SLIT1: variants seen among roughly 807,000 people sequenced by gnomAD.
The protein encoded by SLIT1 is slit guidance ligand 1.
SLIT1 carries 66 observed loss-of-function variants against 186.1 expected under a neutral mutation model. The observed-to-expected ratio is 0.35, with a 90% CI of 0.29 to 0.44. The LOEUF (loss-of-function observed/expected upper bound fraction) is 0.44, where lower values mean the gene tolerates loss of function less well. Ranked by LOEUF, SLIT1 falls within the 20% of genes least tolerant of loss-of-function variation. The pLI, the probability that SLIT1 is intolerant of heterozygous loss-of-function variation, is 1.00. For missense variants in SLIT1, 1,638 were observed against 2,037.4 expected (o/e 0.80, Z 3.77); for synonymous variants, 761 against 833.8 (o/e 0.91, Z 1.50).
chr10:97,054,295 C>T (rs992868166), intron 13 of SLIT1, among the ~76,000 whole-genome samples: 13 of 151,822 alleles, frequency 8.6e-5, no homozygotes, highest in Middle Eastern at 3.4e-3. Context: ...TGTCACGTGA[C>T]GTGCCTACCC....
chr10:97,068,956 T>C lies in SLIT1; in HGVS notation c.414-2870A>G, dbSNP rs1848977729. 6.6e-6 allele frequency among the ~76,000 whole-genome samples: 1 copy of C among 152,238 alleles called. No individual in the cohort carries two copies. The highest frequency in any genetic ancestry group is 1.5e-5 in the Non-Finnish European group (1 of 68,038). ...CCTAATCCTTGTTATCATCTCTTCC[T>C]TGCCTAGAGAGTTCCTTGGCTGCCA... On this transcript the variant is annotated intron_variant, in intron 4 of 36. Transcript: ENST00000266058. The surrounding 1 kb of genome is among the most constrained non-coding windows in gnomAD (Gnocchi z 4.2).
Position 97,163,400 on chromosome 10 carries a change from G to C in SLIT1, c.321C>G (p.Asp107Glu), listed in dbSNP as rs746196846. ...IGAVERGAFD[D>E]MKELERLRLN... Reference sequence around the variant, plus strand: ...CTCACAGCCGCTCCAGCTCCTTCATGTCATCAAAAGCACCACGTTCCACTG... The same window carrying C: ...CTCACAGCCGCTCCAGCTCCTTCATCTCATCAAAAGCACCACGTTCCACTG... Residue 107 changes from aspartate (D) to glutamate (E), a missense_variant, in exon 3 of 37, where the codon GAC (aspartate) becomes GAG (glutamate). Transcript: ENST00000266058. 4.3e-6 allele frequency: 7 copies of C among 1,614,162 alleles called. No homozygotes were observed. Among genetic ancestry groups the C allele is most frequent in the Non-Finnish European group, 5.9e-6 (7 of 1,180,008 alleles).
chr10:97,001,595 AG>A (rs11465175), intron 36 of SLIT1, among the ~76,000 whole-genome samples: 42 of 152,030 alleles, frequency 2.8e-4, no homozygotes, highest in East Asian at 5.8e-4. Flanking sequence ...TGCTGGAGGG[AG>A]GGGGGGTCCC....
chr10:97,001,009 T>C lies in SLIT1; in HGVS notation c.*103A>G, dbSNP rs1305057941. The C allele has an allele frequency of 1.1e-6, 1 of 919,694 alleles. No individual in the cohort carries two copies. The highest frequency in any genetic ancestry group is 1.6e-5 in the African/African-American group (1 of 60,982). 57.0% of individuals were successfully genotyped at this position (919,694 alleles called of 1,614,324 possible). ...GGAGGGCCCAGCTGCCCAGGAGCCG[T>C]CCTGTGATGACCTGCACCCCAGCCC... On this transcript the variant is annotated 3_prime_UTR_variant, in exon 37 of 37. Coordinates refer to ENST00000266058, the MANE Select transcript of SLIT1 (RefSeq NM_003061.3).
intron 4 of SLIT1, among the ~76,000 whole-genome samples, chr10:97,118,436 C>A (rs570184717): frequency 6.6e-6 from 1 of 152,298 alleles, no homozygotes; most frequent in Non-Finnish European, 1.5e-5. Context: ...TAAGGGCTTT[C>A]TGCAGGCTTC....
At chr10:97,005,438 C>T (rs988441442) in intron 32 of SLIT1, among the ~76,000 whole-genome samples, 3 of 152,208 alleles carry the variant, frequency 2.0e-5, no homozygotes, top group African/African-American at 4.8e-5. Flanking sequence ...GACCCTGAGC[C>T]CCCTGGTCTG....
At position 97,106,649 on chromosome 10, in the gene SLIT1, T is replaced by TTG. The variant is rs200677980; in HGVS notation, c.414-40564_414-40563insCA. Among the ~76,000 whole-genome samples, 48 of 152,140 alleles carry TTG rather than the reference T, an allele frequency of 3.2e-4. 1 individual carries two copies. The highest frequency in any genetic ancestry group is 9.9e-4 in the African/African-American group (41 of 41,480). On this transcript the variant is annotated intron_variant, in intron 4 of 36. Coordinates refer to ENST00000266058, the MANE Select transcript of SLIT1 (RefSeq NM_003061.3). The stretch of plus-strand genomic sequence containing the variant: ...GGAAACAAATTAAAGTTGTTTTTTT[T>TTG]TTTTTAAACTTGCCCAGTTAGGTCA...
chr10:97,091,882 A>G (rs529213559), intron 4 of SLIT1, among the ~76,000 whole-genome samples: 1 of 152,372 alleles, frequency 6.6e-6, no homozygotes, highest in South Asian at 2.1e-4. Flanking sequence ...AACAAGCTCC[A>G]GTCTTTTACA....
At position 97,046,693 on chromosome 10, in the gene SLIT1, C is replaced by T. The variant is rs147332825; in HGVS notation, c.1814G>A (p.Arg605Gln). The T allele has an allele frequency of 5.7e-5, 92 of 1,611,408 alleles. No homozygotes were observed. Among genetic ancestry groups the T allele is most frequent in the African/African-American group, 8.0e-5 (6 of 75,078 alleles). Reference protein sequence around the residue: ...HLTANQLESIRSGMFRGLDGL... With the variant: ...HLTANQLESIQSGMFRGLDGL... ...ATCCAGACCCCGGAACATGCCGCTC[C>T]GGATGGACTCCAGCTGGTTGGCAGT... The change falls in exon 18 of 37, where the codon CGG (arginine) becomes CAG (glutamine). Residue 605 changes from arginine (R) to glutamine (Q), a missense_variant. Transcript: ENST00000266058.
intron 25 of SLIT1, among the ~76,000 whole-genome samples, chr10:97,030,213 C>T (rs1848578935): frequency 6.6e-6 from 1 of 152,172 alleles, no homozygotes; most frequent in Admixed American, 6.5e-5. Flanking sequence ...AAGGAATTCT[C>T]ATAGCACTGC....
At chr10:97,093,027 T>C (rs1324529847) in intron 4 of SLIT1, among the ~76,000 whole-genome samples, 1 of 152,218 alleles carries the variant, frequency 6.6e-6, no homozygotes, top group Non-Finnish European at 1.5e-5. Context: ...CTGGACCAGG[T>C]CTGCCTTAAT....
In SLIT1 at chr10:97,019,033, G is replaced by A. The variant is rs1848479685; in HGVS notation, c.2821C>T (p.His941Tyr). The A allele has an allele frequency of 6.2e-7, 1 of 1,613,978 alleles. No individual in the cohort carries two copies. ...SSPCQNQGTC[H>Y]NDPLEVYRCA... ...CTGTACACCTCAAGGGGGTCGTTGT[G>A]GCAGGTGCCCTGGTTCTGGCACGGA... Residue 941 changes from histidine (H) to tyrosine (Y), a missense_variant, in exon 27 of 37, where the codon CAC (histidine) becomes TAC (tyrosine). Around this residue, in one of 3 missense-constraint regions of SLIT1, gnomAD observed 1,245 missense variants for 1,535.3 expected, o/e 0.81. Coordinates refer to ENST00000266058, the MANE Select transcript of SLIT1 (RefSeq NM_003061.3).
At chr10:97,155,072 A>G (rs1227005492) in intron 4 of SLIT1, 1 of 152,180 alleles carries the variant, frequency 6.6e-6, no homozygotes, top group Non-Finnish European at 1.5e-5. Flanking sequence ...CCGAGGGGCT[A>G]TTTGCTCACC....
At chr10:97,063,397 C>G in intron 8 of SLIT1, 58 bp downstream of exon 8, 1 of 1,590,220 alleles carries the variant, frequency 6.3e-7, no homozygotes, top group African/African-American at 1.3e-5. Context: ...GGGGCGGGAA[C>G]AAGAGGCAGG....
Position 97,054,458 on chromosome 10 carries a change from A to G in SLIT1, c.1301+1863T>C, listed in dbSNP as rs760630857. ...CTAGTCTCTGGTATTCCTTGATAGTAACACAAAAACAGACTGATACAAATT... is the reference window on the plus strand; with the variant it reads ...CTAGTCTCTGGTATTCCTTGATAGTGACACAAAAACAGACTGATACAAATT... On this transcript the variant is annotated intron_variant, in intron 13 of 36. Transcript: ENST00000266058. 4.1e-4 allele frequency among the ~76,000 whole-genome samples: 63 copies of G among 152,146 alleles called. 1 individual carries two copies. Among genetic ancestry groups the G allele is most frequent in the Non-Finnish European group, 1.2e-4 (8 of 68,018 alleles).
chr10:97,056,226 G>C (rs778824506), intron 13 of SLIT1, 95 bp downstream of exon 13: 19 of 1,404,068 alleles, frequency 1.4e-5, no homozygotes, highest in Non-Finnish European at 1.9e-5. Context: ...GAGCACAGCA[G>C]CCCAGAGCCG....
At chr10:97,177,388 G>A (rs764152186) in intron 1 of SLIT1, among the ~76,000 whole-genome samples, 3 of 152,076 alleles carry the variant, frequency 2.0e-5, no homozygotes, top group South Asian at 2.1e-4. Context: ...AGTCTGCCAC[G>A]CCGTTCCCAC....
At position 97,043,114 on chromosome 10, in the gene SLIT1, A is replaced by G; in HGVS notation, c.1998-47T>C. On this transcript the variant is annotated intron_variant, in intron 19 of 36. Transcript: ENST00000266058. The surrounding 1 kb of genome is among the most constrained non-coding windows in gnomAD (Gnocchi z 7.0). ...GCCATGGAGACACTCTGCCCCTCTC[A>G]GAGGTCCCAGCAAACCCCTCCTGTA... 1 of 1,589,096 alleles carries G rather than the reference A, an allele frequency of 6.3e-7. No homozygotes were observed. Among genetic ancestry groups the G allele is most frequent in the South Asian group, 1.2e-5 (1 of 86,894 alleles).
chr10:97,020,906 G>C (rs531823376), intron 26 of SLIT1, among the ~76,000 whole-genome samples: 10 of 152,380 alleles, frequency 6.6e-5, no homozygotes, highest in African/African-American at 2.4e-4. Context: ...ACTGAGAGAG[G>C]TCTAAGTTAA....
Sources: allele counts gnomAD v4.1 joint callset (sites outside exome capture counted in the v4.1 genomes callset), GRCh38; gene constraint gnomAD v4.1.1; regional missense constraint gnomAD v4.1.1; non-coding constraint Gnocchi (gnomAD v3.1); transcripts MANE v1.5; gene names NCBI Gene and HGNC (gene_info 2026-07-23, HGNC 2026-07-21).